The following PRKDC variants were observed in gnomAD, a reference collection of about 807,000 sequenced individuals.
PRKDC encodes the protein DNA-dependent protein kinase catalytic subunit.
Under a neutral mutation model 486.9 loss-of-function variants are expected in PRKDC, and 82 were observed. The ratio of observed to expected loss-of-function variants is 0.17; its 90% CI spans 0.14 to 0.20. The LOEUF (loss-of-function observed/expected upper bound fraction) is 0.20. Ranked by LOEUF, PRKDC falls within the 10% of genes least tolerant of loss-of-function variation. The probability of loss-of-function intolerance (pLI) is 1.00; values close to 1 mark genes in which losing one functional copy is unlikely to be tolerated. For synonymous variants in PRKDC, 1,895 were observed against 1,837.0 expected, an observed-to-expected ratio of 1.03 and a Z score of -0.81; for missense variants, 4,504 against 5,038.2, an observed-to-expected ratio of 0.89 and a Z score of 3.21.
intron 4 of PRKDC, among the ~76,000 whole-genome samples, 165 bp downstream of exon 4, chr8:47,955,709 G>T (rs2090689995): frequency 6.6e-6 from 1 of 151,988 alleles, no homozygotes; most frequent in Non-Finnish European, 1.5e-5. Context: ...AAAAGCCAGG[G>T]TATTGTCAGG....
Position 47,783,794 on chromosome 8 carries a change from C to T in PRKDC, c.11123G>A (p.Arg3708Lys). 7 of 1,613,950 alleles carry T rather than the reference C, an allele frequency of 4.3e-6. No homozygotes were observed. Among genetic ancestry groups the T allele is most frequent in the African/African-American group, 1.3e-5 (1 of 75,014 alleles). ...ELEIPGQYDGRGKPLPEYHVR... is the reference protein window; with the variant it reads ...ELEIPGQYDGKGKPLPEYHVR... ...GTGGTACTCTGGCAATGGCTTTCCC[C>T]TACCGTCATACTGACCTAAAACAAA... Residue 3708 changes from arginine to lysine, a missense_variant, in exon 78 of 86, where the codon AGG (arginine) becomes AAG (lysine). Physicochemically the swap from Arg to Lys is conservative, Grantham distance 26. Around this residue, in one of 6 missense-constraint regions of PRKDC, gnomAD observed 706 missense variants for 945.0 expected, o/e 0.75. Coordinates refer to ENST00000314191, the MANE Select transcript of PRKDC (RefSeq NM_006904.7).
Position 47,836,359 on chromosome 8 carries a change from A to C in PRKDC, c.7930T>G (p.Phe2644Val), listed in dbSNP as rs368704791. 6.3e-7 allele frequency: 1 copy of C among 1,599,990 alleles called. No individual in the cohort carries two copies. The change falls in exon 58 of 86, where the codon TTC becomes GTC. Residue 2644 changes from phenylalanine to valine, a missense_variant. Coordinates refer to ENST00000314191, the MANE Select transcript of PRKDC (RefSeq NM_006904.7). ...QIRATQQQHD[F>V]TLTQTADGRS... ...TTACCTGCAGTCTGTGTCAGTGTGA[A>C]GTCATGCTGCTGCTGGGTGGCCCTT...
chr8:47,841,660 TGAG>T (rs889694020), intron 54 of PRKDC, among the ~76,000 whole-genome samples: 3 of 152,150 alleles, frequency 2.0e-5, no homozygotes, highest in Non-Finnish European at 4.4e-5. Flanking sequence ...CTTAGAACAC[TGAG>T]TAGAGTGAGA....
chr8:47,919,323 G>A (rs1430035084), intron 21 of PRKDC, among the ~76,000 whole-genome samples: 2 of 152,154 alleles, frequency 1.3e-5, no homozygotes, highest in East Asian at 1.9e-4. Flanking sequence ...AATTTCATAC[G>A]TGGTCTCTCC....
chr8:47,949,578 C>T (rs2090594102), intron 7 of PRKDC, among the ~76,000 whole-genome samples: 2 of 152,182 alleles, frequency 1.3e-5, no homozygotes, highest in Admixed American at 1.3e-4. Flanking sequence ...CATCACCTGC[C>T]AACAGGGTCA....
At chr8:47,930,144 T>C in intron 17 of PRKDC, 132 bp from the exon 18 acceptor site, 1 of 734,576 alleles carries the variant, frequency 1.4e-6, no homozygotes. Flanking sequence ...AATGTTTAGT[T>C]ATATCTATAA....
At chr8:47,790,629 A>T (rs1480500231) in intron 74 of PRKDC, among the ~76,000 whole-genome samples, 1 of 152,246 alleles carries the variant, frequency 6.6e-6, no homozygotes, top group Non-Finnish European at 1.5e-5. Flanking sequence ...AAAAGAATAA[A>T]ACTGGCACAA....
At chr8:47,947,587 G>A (rs938835901) in intron 7 of PRKDC, among the ~76,000 whole-genome samples, 1 of 152,168 alleles carries the variant, frequency 6.6e-6, no homozygotes, top group Non-Finnish European at 1.5e-5. Context: ...GACCGACATG[G>A]TGAAACCCCA....
chr8:47,779,551 T>C (rs2086663994), intron 80 of PRKDC, among the ~76,000 whole-genome samples: 2 of 152,218 alleles, frequency 1.3e-5, no homozygotes, highest in Admixed American at 6.5e-5. Flanking sequence ...AAAGATGGAT[T>C]ATGTCTGTTT....
At chr8:47,912,659 T>C in intron 24 of PRKDC, 97 bp from the exon 25 acceptor site, 1 of 1,206,734 alleles carries the variant, frequency 8.3e-7, no homozygotes, top group African/African-American at 1.5e-5. Flanking sequence ...AGAAGAAAAA[T>C]TTCATTGCAC....
At chr8:47,959,513 CTAAAAA>C (rs1451212630) in intron 1 of PRKDC, among the ~76,000 whole-genome samples, 26 of 151,852 alleles carry the variant, frequency 1.7e-4, no homozygotes. Flanking sequence ...CCCATCTCTA[CTAAAAA>C]TACAAAAAAA....
Position 47,817,658 on chromosome 8 carries a change from C to T in PRKDC, c.9446-97G>A. ...GTAAATAGAAAATTCAAACTTCCTG[C>T]CCAAATTACAAAAAAGTCCTTTCTT... On this transcript the variant is annotated intron_variant, in intron 67 of 85. Coordinates refer to ENST00000314191, the MANE Select transcript of PRKDC (RefSeq NM_006904.7). 1.1e-5 allele frequency: 8 copies of T among 733,130 alleles called. No individual in the cohort carries two copies. The South Asian group carries it at 2.0e-4, about 18-fold the overall frequency. 45.4% of individuals were successfully genotyped at this position (733,130 alleles called of 1,614,324 possible).
Position 47,897,195 on chromosome 8 carries a change from A to C in PRKDC, c.3564T>G (p.Ile1188Met), listed in dbSNP as rs757301845. The C allele has an allele frequency of 1.2e-6, 2 of 1,606,000 alleles. No homozygotes were observed. The highest frequency in any genetic ancestry group is 1.7e-4 in the Middle Eastern group (1 of 6,026). ...AAGGAACGAATTTATAAAAGAGTTC[A>C]ATGGATTTGTGTCGACATTCTGTCT... ...RPQTECRHKS[I>M]ELFYKFVPLL... is the part of the protein sequence containing the mutation. The change falls in exon 30 of 86, where the codon ATT becomes ATG. Residue 1188 changes from isoleucine (I) to methionine (M), a missense_variant. By Grantham distance (10) the Ile-to-Met change is conservative (BLOSUM62 1). Around this residue, in one of 6 missense-constraint regions of PRKDC, gnomAD observed 1,969 missense variants for 2,068.9 expected, o/e 0.95. Transcript: ENST00000314191.
chr8:47,780,329 G>A (rs954855978), intron 80 of PRKDC, among the ~76,000 whole-genome samples: 2 of 152,104 alleles, frequency 1.3e-5, no homozygotes, highest in Non-Finnish European at 2.9e-5. Flanking sequence ...GCACTCCTAT[G>A]AGAAAATATT....
Position 47,888,649 on chromosome 8 carries a change from T to A in PRKDC, c.4282A>T (p.Ile1428Phe). 4 of 1,577,890 alleles carry A rather than the reference T, an allele frequency of 2.5e-6. No homozygotes were observed. Among genetic ancestry groups the A allele is most frequent in the South Asian group, 1.2e-5 (1 of 84,456 alleles). ...AAGTTGACGGCACAAAGCTCCTCAA[T>A]GCTGGCCATGTGACAAAACAGTAAA... The part of the protein sequence containing the change: ...HLREKITAQS[I>F]EELCAVNLYG... Residue 1428 changes from isoleucine to phenylalanine, a missense_variant and splice_region_variant, in exon 34 of 86, where the codon ATT becomes TTT. Transcript: ENST00000314191.
intron 54 of PRKDC, among the ~76,000 whole-genome samples, chr8:47,842,662 A>T (rs1262911890): frequency 1.3e-5 from 2 of 152,164 alleles, no homozygotes; most frequent in Non-Finnish European, 2.9e-5. Context: ...TTGTGCAAAC[A>T]CTCTGGCAAT....
At chr8:47,806,451 A>T (rs2154498456) in intron 69 of PRKDC, among the ~76,000 whole-genome samples, 1 of 152,346 alleles carries the variant, frequency 6.6e-6, no homozygotes, top group South Asian at 2.1e-4. Flanking sequence ...ACTTGATATT[A>T]CACTCATCCA....
intron 16 of PRKDC, among the ~76,000 whole-genome samples, chr8:47,932,507 G>A (rs1429492561): frequency 1.3e-5 from 2 of 152,098 alleles, no homozygotes; most frequent in Non-Finnish European, 1.5e-5. Context: ...TTCAGCTACC[G>A]CGCCAGGCCT....
chr8:47,858,960 A>G lies in PRKDC; in HGVS notation c.6234T>C (p.Asp2078=), dbSNP rs772520621. The G allele has an allele frequency of 2.0e-5, 33 of 1,613,336 alleles. No individual in the cohort carries two copies. Among genetic ancestry groups the G allele is most frequent in the Non-Finnish European group, 2.6e-5 (31 of 1,179,884 alleles). ...CGTCCATCTCCAGCTCCAGCACATCATCATGCACCGTGGGGTCCCGCTGCT... is the reference window on the plus strand; with the variant it reads ...CGTCCATCTCCAGCTCCAGCACATCGTCATGCACCGTGGGGTCCCGCTGCT... ...RREQRDPTVH[D]DVLELEMDEL... Residue 2078 remains aspartate, a synonymous_variant, in exon 47 of 86, where the codon GAT becomes GAC. Transcript: ENST00000314191.
Sources: allele counts gnomAD v4.1 joint callset (sites outside exome capture counted in the v4.1 genomes callset), GRCh38; gene constraint gnomAD v4.1.1; regional missense constraint gnomAD v4.1.1; transcripts MANE v1.5; gene names NCBI Gene and HGNC (gene_info 2026-07-23, HGNC 2026-07-21).